Variants in SLCO3A1 observed in about 807,000 individuals in gnomAD.
SLCO3A1 encodes the protein PGE1 transporter.
SLCO3A1 carries 27 observed loss-of-function variants against 63.1 expected under a neutral mutation model. The observed-to-expected ratio is 0.43, with a 90% confidence interval of 0.32 to 0.59. SLCO3A1 has a LOEUF of 0.59. Ranked by LOEUF, SLCO3A1 falls within the 20% of genes least tolerant of loss-of-function variation. The pLI is 0.09. For missense variants in SLCO3A1, 773 were observed against 945.8 expected, an observed-to-expected ratio of 0.82 and a Z score of 2.40; for synonymous variants, 473 against 409.9, an observed-to-expected ratio of 1.15 and a Z score of -1.86.
At chr15:92,100,187 T>C (rs2047588330) in intron 3 of SLCO3A1, among the ~76,000 whole-genome samples, 1 of 152,004 alleles carries the variant, frequency 6.6e-6, no homozygotes, top group Non-Finnish European at 1.5e-5. Context: ...ATGACAGATA[T>C]TTCATGGTAC....
intron 7 of SLCO3A1, among the ~76,000 whole-genome samples, chr15:92,130,546 C>G (rs1009811240): frequency 2.6e-5 from 4 of 152,066 alleles, no homozygotes; most frequent in Non-Finnish European, 5.9e-5. Flanking sequence ...ATTTGGAGAC[C>G]CAGAGCAATG....
At chr15:92,103,073 A>G (rs1327667833) in intron 3 of SLCO3A1, among the ~76,000 whole-genome samples, 1 of 152,234 alleles carries the variant, frequency 6.6e-6, no homozygotes. Context: ...GGCTGGCCTT[A>G]TCATTAATGC....
chr15:91,912,777 C>G lies in SLCO3A1; in HGVS notation c.181-3216C>G, dbSNP rs1045177193. Among the ~76,000 whole-genome samples the G allele has an allele frequency of 6.6e-6, 1 of 152,134 alleles. No homozygotes were observed. Among genetic ancestry groups the G allele is most frequent in the Non-Finnish European group, 1.5e-5 (1 of 68,022 alleles). On this transcript the variant is annotated intron_variant, in intron 1 of 9. Transcript: ENST00000318445. This position sits in a 1 kb window ranked among gnomAD's most constrained non-coding sequence, Gnocchi z 5.0. ...TACCAGACTGCTTCAGCCACCTCTC[C>G]GGGGGTGACTTTCTAGGGGACCCCA...
At chr15:92,059,858 C>T (rs569192245) in intron 2 of SLCO3A1, among the ~76,000 whole-genome samples, 3 of 152,146 alleles carry the variant, frequency 2.0e-5, no homozygotes, top group African/African-American at 4.8e-5. Context: ...CTGAGAAATG[C>T]GTCGTTAGGC....
chr15:92,041,103 G>A (rs187510290), intron 2 of SLCO3A1, among the ~76,000 whole-genome samples: 1 of 152,200 alleles, frequency 6.6e-6, no homozygotes, highest in Admixed American at 6.5e-5. Context: ...AAAGTGTCTA[G>A]TCTACAGGAA....
chr15:92,108,632 T>G (rs1411971261), intron 4 of SLCO3A1, among the ~76,000 whole-genome samples: 1 of 152,236 alleles, frequency 6.6e-6, no homozygotes, highest in Non-Finnish European at 1.5e-5. Context: ...CGGCATCTCT[T>G]GCCCTGAGAG....
chr15:92,013,435 T>C (rs866416830), intron 2 of SLCO3A1, among the ~76,000 whole-genome samples: 4 of 152,174 alleles, frequency 2.6e-5, no homozygotes, highest in Non-Finnish European at 5.9e-5. Context: ...ACCTCAACCC[T>C]ACCAGCCGTT....
intron 2 of SLCO3A1, among the ~76,000 whole-genome samples, chr15:92,071,325 A>T (rs1292363017): frequency 6.6e-6 from 1 of 152,238 alleles, no homozygotes; most frequent in East Asian, 1.9e-4. Flanking sequence ...GCAAGCATTC[A>T]GAGAGCACAC....
chr15:92,116,432 A>G (rs1011541616), intron 4 of SLCO3A1, among the ~76,000 whole-genome samples: 5 of 152,140 alleles, frequency 3.3e-5, no homozygotes, highest in African/African-American at 1.2e-4. Context: ...TCCTAATGAG[A>G]GTTGAAAAGG....
At position 91,875,102 on chromosome 15, in the gene SLCO3A1, T is replaced by C. The variant is rs2151337932; in HGVS notation, c.180+21014T>C. Among the ~76,000 whole-genome samples the C allele has an allele frequency of 6.6e-6, 1 of 152,342 alleles. No homozygotes were observed. The highest frequency in any genetic ancestry group is 3.4e-3 in the Middle Eastern group (1 of 294). ...GAAGTTGGCAGACAGTCTGTGTTGG[T>C]GCCCTTTTAATAGATGAGTCAGTTG... On this transcript the variant is annotated intron_variant, in intron 1 of 9. Coordinates refer to ENST00000318445, the MANE Select transcript of SLCO3A1 (RefSeq NM_013272.4). The surrounding 1 kb of genome is among the most constrained non-coding windows in gnomAD (Gnocchi z 4.5).
Position 91,897,400 on chromosome 15 carries a change from A to G in SLCO3A1, c.181-18593A>G, listed in dbSNP as rs192791041. On this transcript the variant is annotated intron_variant, in intron 1 of 9. Coordinates refer to ENST00000318445, the MANE Select transcript of SLCO3A1 (RefSeq NM_013272.4). This position sits in a 1 kb window ranked among gnomAD's most constrained non-coding sequence, Gnocchi z 4.7. ...CAGGAGGCAGAGGTTGCAGTGAGCC[A>G]AGATTGTGCCACTGCACTCCAGCCT... Among the ~76,000 whole-genome samples the G allele has an allele frequency of 3.3e-3, 508 of 152,264 alleles. 6 individuals are homozygous for G. The highest frequency in any genetic ancestry group is 0.012 in the African/African-American group (482 of 41,558).
intron 2 of SLCO3A1, among the ~76,000 whole-genome samples, chr15:92,039,091 A>G (rs1032061778): frequency 6.6e-6 from 1 of 152,246 alleles, no homozygotes; most frequent in Non-Finnish European, 1.5e-5. Flanking sequence ...AAGATGGATT[A>G]AAGACTTAAA....
chr15:92,134,242 C>T (rs915735321), intron 7 of SLCO3A1, among the ~76,000 whole-genome samples: 1 of 152,190 alleles, frequency 6.6e-6, no homozygotes, highest in Non-Finnish European at 1.5e-5. Context: ...TATAGCCTGG[C>T]CCTGTCTGCC....
In SLCO3A1 at chr15:92,164,068, A is replaced by G; in HGVS notation, c.*933A>G. On this transcript the variant is annotated 3_prime_UTR_variant, in exon 10 of 10. Transcript: ENST00000318445. ...AAAATACAATCCATATGAATTTCAA[A>G]CTGTTGTATGTATAATCCTCTAATA... 1 of 982,460 alleles carries G rather than the reference A, an allele frequency of 1.0e-6. No homozygotes were observed. Among genetic ancestry groups the G allele is most frequent in the Non-Finnish European group, 1.2e-6 (1 of 827,230 alleles). 60.9% of individuals were successfully genotyped at this position (982,460 alleles called of 1,614,324 possible).
At chr15:92,042,486 T>C (rs1245337660) in intron 2 of SLCO3A1, among the ~76,000 whole-genome samples, 1 of 152,200 alleles carries the variant, frequency 6.6e-6, no homozygotes, top group African/African-American at 2.4e-5. Context: ...ATCTACCTGC[T>C]GAACACTTAA....
intron 2 of SLCO3A1, among the ~76,000 whole-genome samples, chr15:91,956,160 A>G (rs139971691): frequency 2.0e-5 from 3 of 152,226 alleles, no homozygotes; most frequent in African/African-American, 4.8e-5. Flanking sequence ...AGGTCTGGCT[A>G]TTGTAATTCC....
At chr15:91,917,768 A>T (rs1597118967) in intron 2 of SLCO3A1, among the ~76,000 whole-genome samples, 1 of 152,298 alleles carries the variant, frequency 6.6e-6, no homozygotes, top group East Asian at 1.9e-4. Context: ...CATTGCCTTA[A>T]GTCTTGAGTG....
chr15:92,158,989 C>A (rs571822745), intron 9 of SLCO3A1, among the ~76,000 whole-genome samples: 1 of 152,256 alleles, frequency 6.6e-6, no homozygotes, highest in Admixed American at 6.5e-5. Context: ...CCCCAAATCC[C>A]CTATCTAACA....
intron 2 of SLCO3A1, among the ~76,000 whole-genome samples, chr15:92,054,343 A>ATGTT (rs201527425): frequency 4.6e-5 from 7 of 152,152 alleles, no homozygotes; most frequent in Admixed American, 1.3e-4. Context: ...GCACACTTCT[A>ATGTT]TGTTTGTTTG....
Sources: allele counts gnomAD v4.1 joint callset (sites outside exome capture counted in the v4.1 genomes callset), GRCh38; gene constraint gnomAD v4.1.1; non-coding constraint Gnocchi (gnomAD v3.1); transcripts MANE v1.5; gene names NCBI Gene and HGNC (gene_info 2026-07-23, HGNC 2026-07-21).